Variants in TRIQK observed in about 807,000 individuals in gnomAD.
TRIQK encodes triple QxxK/R motif-containing protein.
TRIQK carries 10 observed loss-of-function variants against 10.8 expected under a neutral mutation model. That is an observed-to-expected ratio of 0.92 (90% CI 0.57 to 1.57). The LOEUF is 1.57. Ranked by LOEUF, TRIQK falls within the 40% of genes most tolerant of loss-of-function variation. The probability of loss-of-function intolerance (pLI) is 0.00; values close to 1 mark genes in which losing one functional copy is unlikely to be tolerated. For missense variants in TRIQK, 107 were observed against 97.7 expected (o/e 1.09, Z -0.40); for synonymous variants, 33 against 33.7 (o/e 0.98, Z 0.07).
chr8:92,963,096 T>C (rs1447447360), intron 1 of TRIQK, among the ~76,000 whole-genome samples: 1 of 152,220 alleles, frequency 6.6e-6, no homozygotes, highest in African/African-American at 2.4e-5. Context: ...TCTAAGCCAT[T>C]TGTCTTTATC....
chr8:93,000,429 C>G (rs967570728), intron 1 of TRIQK, among the ~76,000 whole-genome samples: 7 of 152,068 alleles, frequency 4.6e-5, no homozygotes, highest in African/African-American at 1.7e-4. Context: ...GGGGAACTGC[C>G]CTTTATAAAA....
At chr8:93,012,658 C>T (rs987294280) in intron 1 of TRIQK, among the ~76,000 whole-genome samples, 1 of 151,990 alleles carries the variant, frequency 6.6e-6, no homozygotes, top group African/African-American at 2.4e-5. Context: ...ACCATAAAGC[C>T]GTTATAATTC....
At position 92,931,030 on chromosome 8, in the gene TRIQK, A is replaced by C. The variant is rs553893684; in HGVS notation, c.-21-14020T>G. The stretch of plus-strand genomic sequence containing the variant: ...ATATGAATGGCCTTTTCTTGGCTCT[A>C]ATGGAATATTAGTGAATTCTTATGA... On this transcript the variant is annotated intron_variant, in intron 2 of 4. Transcript: ENST00000521988. Among the ~76,000 whole-genome samples the C allele has an allele frequency of 3.9e-5, 6 of 152,244 alleles. No homozygotes were observed. The East Asian group carries it at 1.2e-3, about 29-fold the overall frequency.
At chr8:92,886,780 T>G in intron 4 of TRIQK, 45 bp from the exon 5 acceptor site, 1 of 1,067,890 alleles carries the variant, frequency 9.4e-7, no homozygotes, top group Non-Finnish European at 1.4e-6. Flanking sequence ...GAAAAAAGAT[T>G]GGTTAACATT....
Position 93,010,857 on chromosome 8 carries a change from A to G in TRIQK, c.-181+6752T>C, listed in dbSNP as rs1016679459. Among the ~76,000 whole-genome samples, 14 of 152,162 alleles carry G rather than the reference A, an allele frequency of 9.2e-5. 1 individual carries two copies. Among genetic ancestry groups the G allele is most frequent in the Middle Eastern group, 3.2e-3 (1 of 316 alleles). ...CCTAGAAAATAATACTTAATTGTAC[A>G]CATATATGCTTCATTCATGCTATTT... On this transcript the variant is annotated intron_variant, in intron 1 of 4. Coordinates refer to the TRIQK transcript ENST00000520686.
rs566190185 is a variant in TRIQK at position 92,895,187 on chromosome 8, A to G, written c.62-3113T>C. On this transcript the variant is annotated intron_variant, in intron 3 of 4. Transcript: ENST00000521988. ...TGGCCCTTCTGCCTTCCACCATGGG[A>G]TAATGCATTCACAAGGCCCTTGCCA... is the stretch of plus-strand genomic sequence containing the variant. Among the ~76,000 whole-genome samples, 144 of 152,302 alleles carry G rather than the reference A, an allele frequency of 9.5e-4. 1 individual carries two copies. Among genetic ancestry groups the G allele is most frequent in the African/African-American group, 3.2e-3 (133 of 41,568 alleles).
chr8:92,902,481 T>A (rs1808997212), intron 3 of TRIQK, among the ~76,000 whole-genome samples: 2 of 152,176 alleles, frequency 1.3e-5, no homozygotes, highest in Non-Finnish European at 2.9e-5. Context: ...TATAGGTGAC[T>A]CAAGATTGTC....
chr8:92,926,451 G>C (rs1312033929), intron 2 of TRIQK: 2 of 152,174 alleles, frequency 1.3e-5, no homozygotes, highest in Non-Finnish European at 2.9e-5. Flanking sequence ...ATAGTAAGTA[G>C]AAAGGAACTG....
intron 2 of TRIQK, among the ~76,000 whole-genome samples, chr8:92,949,807 AAAGAAAG>A (rs1811779848): frequency 7.4e-6 from 1 of 135,696 alleles, no homozygotes; most frequent in South Asian, 2.4e-4. Context: ...AGAAAGAAAG[AAAGAAAG>A]AAAGAAAGAA....
At chr8:92,929,999 A>T (rs1223011775) in intron 2 of TRIQK, among the ~76,000 whole-genome samples, 1 of 152,052 alleles carries the variant, frequency 6.6e-6, no homozygotes, top group Non-Finnish European at 1.5e-5. Context: ...TAAAAGTTTT[A>T]AAAACTTTCT....
At chr8:92,920,888 C>CTA (rs1198933366) in intron 2 of TRIQK, among the ~76,000 whole-genome samples, 10 of 151,696 alleles carry the variant, frequency 6.6e-5, no homozygotes, top group Admixed American at 6.6e-4. Flanking sequence ...AAGGCAAACT[C>CTA]TATAGAGTTT....
At chr8:92,903,466 A>G (rs1317198395) in intron 3 of TRIQK, among the ~76,000 whole-genome samples, 1 of 152,100 alleles carries the variant, frequency 6.6e-6, no homozygotes, top group African/African-American at 2.4e-5. Flanking sequence ...TGCTTGATGC[A>G]TGTTCTTATT....
intron 2 of TRIQK, among the ~76,000 whole-genome samples, chr8:92,925,378 G>GA (rs1425688439): frequency 6.6e-6 from 1 of 151,594 alleles, no homozygotes; most frequent in East Asian, 1.9e-4. Flanking sequence ...TCATAAAAGA[G>GA]AAAAAAAGGA....
At chr8:93,001,677 T>C (rs1452864333) in intron 1 of TRIQK, among the ~76,000 whole-genome samples, 3 of 152,330 alleles carry the variant, frequency 2.0e-5, no homozygotes, top group South Asian at 2.1e-4. Context: ...TAGAGTGTAA[T>C]AGAAGAATAG....
intron 2 of TRIQK, among the ~76,000 whole-genome samples, chr8:92,922,963 A>G (rs565822014): frequency 1.3e-5 from 2 of 152,010 alleles, no homozygotes; most frequent in East Asian, 1.9e-4. Context: ...ACGTTTTACC[A>G]AATGATAAAA....
chr8:92,979,835 A>G (rs1230924505), intron 1 of TRIQK, among the ~76,000 whole-genome samples: 1 of 152,062 alleles, frequency 6.6e-6, no homozygotes, highest in Non-Finnish European at 1.5e-5. Flanking sequence ...TTGTTTTAAA[A>G]GTTTGTTTGC....
chr8:92,915,733 T>G (rs922599967), intron 3 of TRIQK, among the ~76,000 whole-genome samples: 1 of 149,426 alleles, frequency 6.7e-6, no homozygotes, highest in Non-Finnish European at 1.5e-5. Context: ...TCTCCTGACC[T>G]TGTGATCCAC....
At chr8:92,918,897 T>A (rs1231155718) in intron 2 of TRIQK, among the ~76,000 whole-genome samples, 1 of 151,940 alleles carries the variant, frequency 6.6e-6, no homozygotes, top group Non-Finnish European at 1.5e-5. Flanking sequence ...TTGATTTTTG[T>A]ATATGATGAA....
At chr8:92,899,720 A>G (rs1808818089) in intron 3 of TRIQK, among the ~76,000 whole-genome samples, 1 of 152,160 alleles carries the variant, frequency 6.6e-6, no homozygotes, top group Admixed American at 6.5e-5. Flanking sequence ...GTAGGAGTGT[A>G]GATATCTTTT....
Sources: allele counts gnomAD v4.1 joint callset (sites outside exome capture counted in the v4.1 genomes callset), GRCh38; gene constraint gnomAD v4.1.1; transcripts MANE v1.5; gene names NCBI Gene and HGNC (gene_info 2026-07-23, HGNC 2026-07-21).